KDM4C: variants seen among roughly 807,000 people sequenced by gnomAD.
KDM4C encodes the protein lysine-specific demethylase 4C.
In KDM4C, 81 loss-of-function variants were observed where a neutral mutation model predicts 129.3. That is an observed-to-expected ratio of 0.63 (90% CI 0.52 to 0.75). The LOEUF (loss-of-function observed/expected upper bound fraction) is 0.75. Ranked by LOEUF, KDM4C falls within the 30% of genes least tolerant of loss-of-function variation. KDM4C has a pLI of 0.00. For missense variants in KDM4C, 1,457 were observed against 1,304.0 expected (o/e 1.12, Z -1.81); for synonymous variants, 573 against 456.1 (o/e 1.26, Z -3.26).
intron 2 of KDM4C, among the ~76,000 whole-genome samples, chr9:6,799,933 T>C (rs913987521): frequency 1.3e-5 from 2 of 152,170 alleles, no homozygotes; most frequent in South Asian, 2.1e-4. Flanking sequence ...TTTTCAAATA[T>C]TGAGTGTGGC....
At position 6,922,444 on chromosome 9, in the gene KDM4C, A is replaced by T. The variant is rs994300773; in HGVS notation, c.921+29212A>T. 4.6e-5 allele frequency among the ~76,000 whole-genome samples: 7 copies of T among 152,324 alleles called. No homozygotes were observed. In the East Asian group the frequency reaches 1.4e-3, roughly 29 times the overall value. On this transcript the variant is annotated intron_variant, in intron 8 of 21. Transcript: ENST00000381309. ...GTAGAATTCCTGGAAATAGTTGGGT[A>T]ACATCTTCAGCAATCTTCCAGGCTG...
At chr9:6,881,909 G>A (rs1047560098) in intron 6 of KDM4C, among the ~76,000 whole-genome samples, 1 of 152,196 alleles carries the variant, frequency 6.6e-6, no homozygotes, top group Non-Finnish European at 1.5e-5. Context: ...ATTTTAGAAT[G>A]TCTAGCTGAT....
At chr9:6,830,284 G>A (rs1834595382) in intron 4 of KDM4C, among the ~76,000 whole-genome samples, 2 of 152,214 alleles carry the variant, frequency 1.3e-5, no homozygotes, top group Non-Finnish European at 1.5e-5. Flanking sequence ...TGGATTTCCA[G>A]TATTGCTTAC....
intron 1 of KDM4C, among the ~76,000 whole-genome samples, chr9:6,760,230 C>T (rs1034983337): frequency 6.6e-6 from 1 of 151,880 alleles, no homozygotes; most frequent in East Asian, 1.9e-4. Context: ...TGAGTGACTT[C>T]TTTCACTTGG....
intron 1 of KDM4C, among the ~76,000 whole-genome samples, chr9:6,767,192 G>A (rs911382586): frequency 6.6e-6 from 1 of 151,800 alleles, no homozygotes; most frequent in African/African-American, 2.4e-5. Flanking sequence ...AGGCTGGAGT[G>A]CAGTGGCACG....
At chr9:6,844,040 T>A (rs1564143012) in intron 4 of KDM4C, among the ~76,000 whole-genome samples, 1 of 152,154 alleles carries the variant, frequency 6.6e-6, no homozygotes, top group Admixed American at 6.6e-5. Flanking sequence ...TCTCTCTTTA[T>A]TGCCCAGGAT....
chr9:6,821,967 G>A (rs762267863), intron 4 of KDM4C, among the ~76,000 whole-genome samples: 1 of 152,096 alleles, frequency 6.6e-6, no homozygotes, highest in South Asian at 2.1e-4. Context: ...TGCTTTCAGA[G>A]CTTGATTTCC....
intron 5 of KDM4C, among the ~76,000 whole-genome samples, chr9:6,857,785 C>T (rs569779874): frequency 2.0e-4 from 30 of 149,564 alleles, no homozygotes; most frequent in East Asian, 1.8e-3. Context: ...GACAGGGTCT[C>T]GCTCTGTTGC....
At chr9:7,031,167 T>TG (rs1231847529) in intron 15 of KDM4C, among the ~76,000 whole-genome samples, 33 of 71,420 alleles carry the variant, frequency 4.6e-4, no homozygotes, top group African/African-American at 1.4e-3. Flanking sequence ...TATTTATTTA[T>TG]TTATGTATGT....
chr9:7,013,653 T>G, intron 13 of KDM4C, 135 bp from the exon 14 acceptor site: 1 of 751,128 alleles, frequency 1.3e-6, no homozygotes, highest in African/African-American at 1.9e-5. Flanking sequence ...AAACTAGTAG[T>G]TTGGTCAAGG....
At chr9:7,092,216 A>G (rs1178458531) in intron 17 of KDM4C, among the ~76,000 whole-genome samples, 3 of 152,116 alleles carry the variant, frequency 2.0e-5, no homozygotes, top group Admixed American at 6.6e-5. Context: ...CCATTATTCC[A>G]TTAATCACCA....
intron 12 of KDM4C, among the ~76,000 whole-genome samples, chr9:7,001,226 GTGTTTA>G (rs1372176022): frequency 1.3e-5 from 2 of 152,148 alleles, no homozygotes; most frequent in Non-Finnish European, 2.9e-5. Flanking sequence ...CATTGTTTTA[GTGTTTA>G]TGTTCTTTGT....
At chr9:6,834,322 C>T in intron 4 of KDM4C, 1 of 292,930 alleles carries the variant, frequency 3.4e-6, no homozygotes, top group Non-Finnish European at 6.7e-6. Flanking sequence ...CAGCATGAGC[C>T]ACCCCATCTG....
In KDM4C at chr9:7,011,719, T is replaced by A. The variant is rs34369202; in HGVS notation, c.1808T>A (p.Ile603Asn). Residue 603 changes from isoleucine (I) to asparagine (N), a missense_variant, in exon 13 of 22, where the codon ATT becomes AAT. Physicochemically the swap from Ile to Asn is moderately radical, Grantham distance 149. Coordinates refer to ENST00000381309, the MANE Select transcript of KDM4C (RefSeq NM_015061.6). The part of the protein sequence containing the change: ...SDEELPEVLS[I>N]EEEVEETESW... Reference sequence around the variant, plus strand: ...TAAGAATTGCCTGAGGTTCTGTCCATTGAGGAGGAAGTGGAAGAAACAGAG... The same window carrying A: ...TAAGAATTGCCTGAGGTTCTGTCCAATGAGGAGGAAGTGGAAGAAACAGAG... 3.1e-6 allele frequency: 5 copies of A among 1,614,010 alleles called. No individual in the cohort carries two copies. In the African/African-American group the frequency reaches 6.7e-5, roughly 22 times the overall value.
chr9:6,762,297 G>A (rs1294837882), intron 1 of KDM4C, among the ~76,000 whole-genome samples: 1 of 148,754 alleles, frequency 6.7e-6, no homozygotes, highest in Non-Finnish European at 1.5e-5. Context: ...CCCTCCCTGT[G>A]TCCATGTGTT....
At chr9:7,162,720 G>T (rs1165886064) in intron 19 of KDM4C, among the ~76,000 whole-genome samples, 1 of 152,062 alleles carries the variant, frequency 6.6e-6, no homozygotes, top group Non-Finnish European at 1.5e-5. Context: ...GGGCAAATCT[G>T]TAAAATTAAG....
chr9:7,134,744 A>G (rs1292947513), intron 19 of KDM4C, among the ~76,000 whole-genome samples: 1 of 152,216 alleles, frequency 6.6e-6, no homozygotes, highest in Non-Finnish European at 1.5e-5. Flanking sequence ...ATTGGCTAGG[A>G]GTCTACTAAG....
At position 7,172,787 on chromosome 9, in the gene KDM4C, T is replaced by C. The variant is rs543451712; in HGVS notation, c.2995-1766T>C. ...CTTCTTTACTATGGACCGTGTGTTTTCAAGTCCTAAAGTGTCTTTCACCTC... is the reference window on the plus strand; with the variant it reads ...CTTCTTTACTATGGACCGTGTGTTTCCAAGTCCTAAAGTGTCTTTCACCTC... On this transcript the variant is annotated intron_variant, in intron 21 of 21. Coordinates refer to ENST00000381309, the MANE Select transcript of KDM4C (RefSeq NM_015061.6). Among the ~76,000 whole-genome samples, 34 of 152,344 alleles carry C rather than the reference T, an allele frequency of 2.2e-4. No individual in the cohort carries two copies. In the South Asian group the frequency reaches 5.8e-3, roughly 26 times the overall value.
At chr9:6,812,303 A>G (rs924785288) in intron 3 of KDM4C, among the ~76,000 whole-genome samples, 2 of 152,192 alleles carry the variant, frequency 1.3e-5, no homozygotes, top group African/African-American at 4.8e-5. Flanking sequence ...GGTGTAAAGC[A>G]GATTAGGGCT....
Sources: gnomAD v4.1 joint callset for allele counts (sites outside exome capture counted in the v4.1 genomes callset) on GRCh38, gnomAD v4.1.1 for gene constraint, MANE v1.5 for transcripts, NCBI Gene and HGNC (gene_info 2026-07-23, HGNC 2026-07-21) for gene names.